ENTREP2: variants seen among roughly 807,000 people sequenced by gnomAD.
The protein encoded by ENTREP2 is protein ENTREP2.
chr15:29,154,083 T>C, the ENTREP2 span, among the ~76,000 whole-genome samples: 1 of 152,226 alleles, frequency 6.6e-6, no homozygotes, highest in Non-Finnish European at 1.5e-5. Context: ...AGAAATGTGA[T>C]TGATTTTTGT....
the ENTREP2 span, among the ~76,000 whole-genome samples, chr15:29,628,415 G>C: frequency 6.0e-3 from 915 of 152,202 alleles, 9 homozygotes; most frequent in African/African-American, 0.021. Context: ...CATTTGTGAA[G>C]GTTTGTTTTT....
chr15:29,133,142 G>C, the ENTREP2 span, among the ~76,000 whole-genome samples: 1 of 152,062 alleles, frequency 6.6e-6, no homozygotes, highest in South Asian at 2.1e-4. Flanking sequence ...CCTCACGGAG[G>C]GCCCTGTCCT....
the ENTREP2 span, among the ~76,000 whole-genome samples, chr15:29,199,601 A>C: frequency 6.6e-6 from 1 of 152,232 alleles, no homozygotes; most frequent in African/African-American, 2.4e-5. Flanking sequence ...ATAATAAAAC[A>C]ATTTTAACTC....
the ENTREP2 span, among the ~76,000 whole-genome samples, chr15:29,452,203 A>T: frequency 6.6e-6 from 1 of 152,116 alleles, no homozygotes; most frequent in African/African-American, 2.4e-5. Flanking sequence ...TGTTACCCAC[A>T]ACCATCTGCT....
At chr15:29,203,177 C>T in the ENTREP2 span, among the ~76,000 whole-genome samples, 29 of 152,284 alleles carry the variant, frequency 1.9e-4, no homozygotes, top group Middle Eastern at 3.4e-3. Flanking sequence ...CCGAGGCAGG[C>T]GGATCACGAG....
chr15:29,403,146 A>T, the ENTREP2 span, among the ~76,000 whole-genome samples: 2 of 152,172 alleles, frequency 1.3e-5, no homozygotes, highest in African/African-American at 4.8e-5. Flanking sequence ...ACGGGGCCTG[A>T]TCTGCACAGA....
chr15:29,192,094 G>A, the ENTREP2 span, among the ~76,000 whole-genome samples: 1 of 152,166 alleles, frequency 6.6e-6, no homozygotes, highest in Non-Finnish European at 1.5e-5. Context: ...TGACTTGAAA[G>A]TGGTACATAT....
chr15:29,583,556 T>G, the ENTREP2 span, among the ~76,000 whole-genome samples: 1 of 152,160 alleles, frequency 6.6e-6, no homozygotes, highest in Non-Finnish European at 1.5e-5. Flanking sequence ...ACCTAGGTGA[T>G]GGGTTGATAG....
the ENTREP2 span, among the ~76,000 whole-genome samples, chr15:29,547,274 G>A: frequency 6.6e-6 from 1 of 151,352 alleles, no homozygotes; most frequent in Admixed American, 6.6e-5. Flanking sequence ...ATTTTTAGTA[G>A]AGACCGGGTT....
chr15:29,206,046 A>G, the ENTREP2 span, among the ~76,000 whole-genome samples: 19 of 152,274 alleles, frequency 1.2e-4, 1 homozygote, highest in Admixed American at 6.5e-4. Context: ...ACCAGCCCCA[A>G]TGACACAGGA....
chr15:29,301,482 G>T, the ENTREP2 span, among the ~76,000 whole-genome samples: 1 of 152,218 alleles, frequency 6.6e-6, no homozygotes, highest in Non-Finnish European at 1.5e-5. Flanking sequence ...GTAATAGGCA[G>T]TATAACAGAG....
At chr15:29,439,284 T>TACACACACACACACAC in the ENTREP2 span, among the ~76,000 whole-genome samples, 1 of 97,090 alleles carries the variant, frequency 1.0e-5, no homozygotes, top group Non-Finnish European at 2.0e-5. Context: ...AAATTGGAAT[T>TACACACACACACACAC]ACACACACAC....
the ENTREP2 span, among the ~76,000 whole-genome samples, chr15:29,569,310 G>A: frequency 6.6e-6 from 1 of 152,132 alleles, no homozygotes; most frequent in East Asian, 1.9e-4. Context: ...TATCGATCGA[G>A]GTGTTCCAGA....
the ENTREP2 span, among the ~76,000 whole-genome samples, chr15:29,176,463 T>C: frequency 6.6e-6 from 1 of 152,094 alleles, no homozygotes; most frequent in Admixed American, 6.5e-5. Context: ...GGTCAGTAGT[T>C]GGAAGTGGGA....
At chr15:29,585,032 T>TAGAA in the ENTREP2 span, among the ~76,000 whole-genome samples, 1 of 148,216 alleles carries the variant, frequency 6.7e-6, no homozygotes, top group African/African-American at 2.5e-5. Flanking sequence ...GATAGATAGA[T>TAGAA]GATGGATAGA....
the ENTREP2 span, among the ~76,000 whole-genome samples, chr15:29,288,701 G>A: frequency 2.6e-5 from 4 of 152,156 alleles, no homozygotes; most frequent in African/African-American, 9.7e-5. Context: ...TAGCCTATAG[G>A]TGTGTAGTAA....
chr15:29,125,992 C>T, the ENTREP2 span, among the ~76,000 whole-genome samples: 11 of 152,276 alleles, frequency 7.2e-5, no homozygotes, highest in Admixed American at 4.6e-4. Context: ...CCCTGGAGCA[C>T]GTGTGCAGCA....
chr15:29,567,326 T>C, the ENTREP2 span, among the ~76,000 whole-genome samples: 1 of 152,182 alleles, frequency 6.6e-6, no homozygotes, highest in African/African-American at 2.4e-5. Context: ...CTTAAATTTC[T>C]CTTGTATCTT....
chr15:29,218,883 A>T, the ENTREP2 span, among the ~76,000 whole-genome samples: 1 of 152,210 alleles, frequency 6.6e-6, no homozygotes, highest in East Asian at 1.9e-4. Flanking sequence ...ACTTTGGAGA[A>T]ACCCTTCTAG....
Sources: gnomAD v4.1 joint callset for allele counts (sites outside exome capture counted in the v4.1 genomes callset) on GRCh38, gnomAD v4.1.1 for gene constraint, MANE v1.5 for transcripts, NCBI Gene and HGNC (gene_info 2026-07-23, HGNC 2026-07-21) for gene names.